The following CPNE8 variants were observed in gnomAD, a reference collection of about 807,000 sequenced individuals.
The protein encoded by CPNE8 is copine 8, also known as copine-8.
In CPNE8, 45 loss-of-function variants were observed where a neutral mutation model predicts 81.5. That is an observed-to-expected ratio of 0.55 (90% CI 0.44 to 0.71). The LOEUF is 0.71. CPNE8 is among the 30% of genes least tolerant of loss of function. The pLI, the probability that CPNE8 is intolerant of heterozygous loss-of-function variation, is 0.00. For missense variants in CPNE8, 594 were observed against 672.1 expected, an observed-to-expected ratio of 0.88 and a Z score of 1.28; for synonymous variants, 252 against 226.3, an observed-to-expected ratio of 1.11 and a Z score of -1.02.
intron 13 of CPNE8, among the ~76,000 whole-genome samples, chr12:38,721,494 T>C (rs1940563699): frequency 6.6e-6 from 1 of 152,188 alleles, no homozygotes; most frequent in Non-Finnish European, 1.5e-5. Context: ...GAGGGTCTCC[T>C]GTAAGCAGTT....
intron 5 of CPNE8, among the ~76,000 whole-genome samples, chr12:38,839,344 G>C (rs1943432404): frequency 6.6e-6 from 1 of 151,854 alleles, no homozygotes; most frequent in African/African-American, 2.4e-5. Flanking sequence ...GTTGTTACCT[G>C]GCAACTAGAG....
At chr12:38,784,314 T>A (rs1054884018) in intron 6 of CPNE8, among the ~76,000 whole-genome samples, 1 of 151,476 alleles carries the variant, frequency 6.6e-6, no homozygotes, top group African/African-American at 2.4e-5. Flanking sequence ...AAACGGACAT[T>A]CAGAGAAGAC....
At chr12:38,660,939 A>G (rs1938938282) in intron 19 of CPNE8, among the ~76,000 whole-genome samples, 1 of 152,228 alleles carries the variant, frequency 6.6e-6, no homozygotes, top group Admixed American at 6.5e-5. Flanking sequence ...AATGGCAATC[A>G]TTAAAAAGCC....
intron 4 of CPNE8, among the ~76,000 whole-genome samples, chr12:38,845,333 G>A (rs897776777): frequency 2.0e-5 from 3 of 152,014 alleles, no homozygotes; most frequent in African/African-American, 4.8e-5. Context: ...GTGTGTGTAC[G>A]TGTGCAAATT....
chr12:38,789,739 A>T (rs1239143722), intron 6 of CPNE8, among the ~76,000 whole-genome samples: 2 of 151,904 alleles, frequency 1.3e-5, no homozygotes, highest in East Asian at 3.9e-4. Context: ...TAGCTCAATC[A>T]ACTCTGTAGG....
intron 3 of CPNE8, among the ~76,000 whole-genome samples, chr12:38,870,570 C>G (rs369619691): frequency 8.5e-5 from 13 of 152,110 alleles, no homozygotes; most frequent in African/African-American, 2.9e-4. Flanking sequence ...CATGGTCTCC[C>G]TCATAAGTGG....
intron 6 of CPNE8, among the ~76,000 whole-genome samples, chr12:38,779,221 G>T (rs1046347394): frequency 6.6e-6 from 1 of 152,040 alleles, no homozygotes; most frequent in Non-Finnish European, 1.5e-5. Context: ...AGAAAATAAG[G>T]ACCAATCAGA....
At chr12:38,848,224 C>T (rs995325855) in intron 4 of CPNE8, among the ~76,000 whole-genome samples, 1 of 152,114 alleles carries the variant, frequency 6.6e-6, no homozygotes, top group East Asian at 1.9e-4. Flanking sequence ...CTGAGCCAAA[C>T]TTAAGATCTG....
chr12:38,894,978 G>A (rs1944370013), intron 1 of CPNE8, among the ~76,000 whole-genome samples: 1 of 152,016 alleles, frequency 6.6e-6, no homozygotes, highest in Admixed American at 6.6e-5. Context: ...TGCTAAGGCA[G>A]AGACACATGT....
intron 8 of CPNE8, among the ~76,000 whole-genome samples, chr12:38,764,165 C>A (rs1483905565): frequency 2.0e-5 from 3 of 151,972 alleles, no homozygotes; most frequent in African/African-American, 7.3e-5. Flanking sequence ...GGGGAAAAGG[C>A]ATTACAAGTA....
chr12:38,752,409 G>T (rs1246113581), intron 10 of CPNE8, among the ~76,000 whole-genome samples: 1 of 152,118 alleles, frequency 6.6e-6, no homozygotes, highest in Non-Finnish European at 1.5e-5. Flanking sequence ...TTTTCTGTGT[G>T]CCTGGCTATT....
intron 17 of CPNE8, among the ~76,000 whole-genome samples, chr12:38,677,195 T>G (rs1186548682): frequency 2.0e-5 from 3 of 152,086 alleles, no homozygotes; most frequent in African/African-American, 7.2e-5. Flanking sequence ...AACCCATGCC[T>G]GTGAAAATTA....
chr12:38,689,033 T>G (rs917477710), intron 15 of CPNE8, among the ~76,000 whole-genome samples: 5 of 152,194 alleles, frequency 3.3e-5, no homozygotes, highest in Admixed American at 6.5e-5. Flanking sequence ...TATTGCTTGT[T>G]AAAACAAATT....
At chr12:38,904,096 T>C (rs771648291) in intron 1 of CPNE8, among the ~76,000 whole-genome samples, 15 of 152,178 alleles carry the variant, frequency 9.9e-5, no homozygotes, top group East Asian at 1.9e-4. Context: ...AAAGTCAAGA[T>C]TGATGGAATT....
intron 19 of CPNE8, among the ~76,000 whole-genome samples, chr12:38,661,428 G>C (rs1307823471): frequency 6.6e-6 from 1 of 152,000 alleles, no homozygotes; most frequent in African/African-American, 2.4e-5. Flanking sequence ...TGGACACAGG[G>C]TGGGGAACAT....
At chr12:38,808,306 A>T (rs982128677) in intron 6 of CPNE8, among the ~76,000 whole-genome samples, 1 of 152,140 alleles carries the variant, frequency 6.6e-6, no homozygotes, top group South Asian at 2.1e-4. Context: ...ATGCACACGT[A>T]TGTTTATTGC....
intron 19 of CPNE8, among the ~76,000 whole-genome samples, chr12:38,670,081 C>T (rs1469616854): frequency 6.6e-6 from 1 of 152,146 alleles, no homozygotes; most frequent in South Asian, 2.1e-4. Context: ...GTGTTTCTCT[C>T]CTCTTTCTTT....
chr12:38,689,121 GT>G (rs528455826), intron 15 of CPNE8, among the ~76,000 whole-genome samples: 4 of 152,126 alleles, frequency 2.6e-5, no homozygotes, highest in Non-Finnish European at 5.9e-5. Context: ...TAATTTTGTT[GT>G]TTATTAATGA....
Position 38,878,983 on chromosome 12 carries a change from G to A in CPNE8, c.99-4472C>T, listed in dbSNP as rs146644632. 7.4e-3 allele frequency among the ~76,000 whole-genome samples: 1,126 copies of A among 152,122 alleles called. 19 individuals are homozygous for A. The highest frequency in any genetic ancestry group is 0.026 in the African/African-American group (1,070 of 41,512). On this transcript the variant is annotated intron_variant, in intron 1 of 19. Coordinates refer to ENST00000331366, the MANE Select transcript of CPNE8 (RefSeq NM_153634.3). Reference sequence around the variant, plus strand: ...AAAACTGTCAAATTGATTCAGCTACGACAACAACAACAACAAAAGCCAGGT... The same window carrying A: ...AAAACTGTCAAATTGATTCAGCTACAACAACAACAACAACAAAAGCCAGGT...
Sources: gnomAD v4.1 joint callset for allele counts (sites outside exome capture counted in the v4.1 genomes callset) on GRCh38, gnomAD v4.1.1 for gene constraint, MANE v1.5 for transcripts, NCBI Gene and HGNC (gene_info 2026-07-23, HGNC 2026-07-21) for gene names.